Variants in RNF150 observed in about 807,000 individuals in gnomAD.
The protein encoded by RNF150 is ring finger protein 150.
A neutral mutation model predicts 39.3 loss-of-function variants in RNF150; 24 were observed. That is an observed-to-expected ratio of 0.61 (90% CI 0.44 to 0.86). RNF150 has a LOEUF of 0.86. Among genes scored for constraint, RNF150 ranks in the 40% least tolerant of loss-of-function variants. RNF150 has a pLI of 0.00. For synonymous variants in RNF150, 255 were observed against 227.3 expected (o/e 1.12, Z -1.10); for missense variants, 502 against 587.8 (o/e 0.85, Z 1.51).
chr4:141,057,689 A>T (rs1244827270), intron 1 of RNF150, among the ~76,000 whole-genome samples: 1 of 151,736 alleles, frequency 6.6e-6, no homozygotes, highest in African/African-American at 2.4e-5. Flanking sequence ...ATAACCTCTC[A>T]CCTCTTTGAC....
intron 5 of RNF150, among the ~76,000 whole-genome samples, chr4:140,913,689 C>A (rs1049354504): frequency 6.6e-6 from 1 of 152,162 alleles, no homozygotes; most frequent in Non-Finnish European, 1.5e-5. Context: ...CTCTACTAGT[C>A]CCCAAACATT....
intron 1 of RNF150, among the ~76,000 whole-genome samples, chr4:141,199,991 T>G (rs1201341130): frequency 6.6e-6 from 1 of 152,136 alleles, no homozygotes; most frequent in African/African-American, 2.4e-5. Context: ...TATTGACAAG[T>G]GCTAAATCCA....
In RNF150 at chr4:140,929,308, GTTATTTCTCTCTATGCACTGGTCATTC is replaced by G. The variant is rs1172780017; in HGVS notation, c.891-3262_891-3236del. ...TGGTCGTTGTTCTCAAACACCCTCA[GTTATTTCTCTCTATGCACTGGTCATTC>G]TTACACCTCCTCTGGATGCTAAGTT... On this transcript the variant is annotated intron_variant, in intron 4 of 6. Coordinates refer to ENST00000515673, the MANE Select transcript of RNF150 (RefSeq NM_020724.2). Among the ~76,000 whole-genome samples the G allele has an allele frequency of 1.0e-4, 15 of 148,158 alleles. No homozygotes were observed. The East Asian group carries it at 3.0e-3, about 30-fold the overall frequency.
intron 1 of RNF150, among the ~76,000 whole-genome samples, chr4:141,004,670 T>C (rs555178978): frequency 1.3e-5 from 2 of 152,316 alleles, no homozygotes; most frequent in African/African-American, 4.8e-5. Flanking sequence ...AATAATCCTT[T>C]ACATATTTTG....
chr4:140,877,196 A>T (rs545726377), intron 6 of RNF150, among the ~76,000 whole-genome samples: 19 of 152,334 alleles, frequency 1.2e-4, no homozygotes, highest in South Asian at 4.1e-4. Context: ...TTGGCAGTTC[A>T]TTCATTGAGT....
chr4:140,960,090 A>G (rs1337790364), intron 2 of RNF150, among the ~76,000 whole-genome samples: 3 of 152,058 alleles, frequency 2.0e-5, no homozygotes, highest in African/African-American at 7.2e-5. Context: ...TAAATTTAAC[A>G]TCGTCAAATC....
chr4:140,974,538 G>T (rs1733591886), intron 1 of RNF150, among the ~76,000 whole-genome samples: 3 of 152,172 alleles, frequency 2.0e-5, no homozygotes, highest in Admixed American at 2.0e-4. Flanking sequence ...CTGCTAGCTT[G>T]TACGGTAGTT....
At chr4:141,002,563 C>T (rs1734704472) in intron 1 of RNF150, among the ~76,000 whole-genome samples, 2 of 152,170 alleles carry the variant, frequency 1.3e-5, no homozygotes, top group African/African-American at 4.8e-5. Flanking sequence ...TAACAGAATA[C>T]ATCTCCTTTC....
intron 6 of RNF150, among the ~76,000 whole-genome samples, chr4:140,873,858 T>C (rs1339373357): frequency 5.9e-5 from 9 of 152,080 alleles, no homozygotes; most frequent in African/African-American, 2.2e-4. Flanking sequence ...GCATTTTTTG[T>C]AGAGACAGGG....
At chr4:141,137,818 A>T (rs1727050310), upstream of RNF150, among the ~76,000 whole-genome samples, 1 of 152,204 alleles carries the variant, frequency 6.6e-6, no homozygotes, top group Admixed American at 6.5e-5. Flanking sequence ...AATAGTTTTT[A>T]AAATATACCC....
At chr4:141,038,594 G>A (rs553767758) in intron 1 of RNF150, among the ~76,000 whole-genome samples, 28 of 152,190 alleles carry the variant, frequency 1.8e-4, no homozygotes, top group African/African-American at 6.7e-4. Flanking sequence ...GGGAGGGTGA[G>A]GTGGGAGGAT....
chr4:141,098,314 CCCTTGCCAGTGCACAGG>C (rs1738878821), intron 1 of RNF150, among the ~76,000 whole-genome samples: 1 of 152,248 alleles, frequency 6.6e-6, no homozygotes, highest in Non-Finnish European at 1.5e-5. Flanking sequence ...TCGGCCTCTG[CCCTTGCCAGTGCACAGG>C]CCTCCAAGTG....
At chr4:141,193,719 A>G (rs959530542) in intron 1 of RNF150, among the ~76,000 whole-genome samples, 15 of 152,182 alleles carry the variant, frequency 9.9e-5, no homozygotes, top group African/African-American at 3.6e-4. Flanking sequence ...ATGTGGGAGC[A>G]AGAAATGAGA....
At chr4:141,180,316 C>A (rs934504987) in intron 1 of RNF150, among the ~76,000 whole-genome samples, 2 of 152,134 alleles carry the variant, frequency 1.3e-5, no homozygotes, top group African/African-American at 2.4e-5. Context: ...CATTCCCTTC[C>A]CCTTTAACCA....
intron 1 of RNF150, among the ~76,000 whole-genome samples, chr4:141,063,272 T>C (rs1737310910): frequency 6.6e-6 from 1 of 152,256 alleles, no homozygotes; most frequent in Non-Finnish European, 1.5e-5. Context: ...ATTAAGCAGA[T>C]GTTATCTCAA....
intron 1 of RNF150, among the ~76,000 whole-genome samples, chr4:141,007,520 T>C (rs1734918606): frequency 6.6e-6 from 1 of 152,224 alleles, no homozygotes; most frequent in African/African-American, 2.4e-5. Flanking sequence ...TTGACAACCT[T>C]AGGGAGTCCC....
chr4:141,092,791 A>C (rs761112591), intron 1 of RNF150, among the ~76,000 whole-genome samples: 2 of 151,762 alleles, frequency 1.3e-5, no homozygotes, highest in African/African-American at 4.8e-5. Flanking sequence ...TATTGTAAAT[A>C]GGTAAATACA....
At chr4:141,046,409 T>C (rs183007458) in intron 1 of RNF150, among the ~76,000 whole-genome samples, 40 of 152,314 alleles carry the variant, frequency 2.6e-4, no homozygotes, top group African/African-American at 9.4e-4. Flanking sequence ...TGTAAACTTA[T>C]TACTGGAGCA....
At chr4:140,889,581 G>A (rs564752569) in intron 6 of RNF150, among the ~76,000 whole-genome samples, 12 of 152,002 alleles carry the variant, frequency 7.9e-5, no homozygotes, top group Non-Finnish European at 1.5e-4. Flanking sequence ...AATTTTTTTT[G>A]GTGGGCGGAA....
Sources: allele counts gnomAD v4.1 joint callset (sites outside exome capture counted in the v4.1 genomes callset), GRCh38; gene constraint gnomAD v4.1.1; transcripts MANE v1.5; gene names NCBI Gene and HGNC (gene_info 2026-07-23, HGNC 2026-07-21).